The following LARGE1 variants were observed in gnomAD, a reference collection of about 807,000 sequenced individuals.
LARGE1 encodes LARGE xylosyl- and glucuronyltransferase 1.
Under a neutral mutation model 87.6 loss-of-function variants are expected in LARGE1, and 43 were observed. That is an observed-to-expected ratio of 0.49 (90% confidence interval 0.38 to 0.63). The LOEUF (loss-of-function observed/expected upper bound fraction) is 0.63. LARGE1 is among the 30% of genes least tolerant of loss of function. The pLI, the probability that LARGE1 is intolerant of heterozygous loss-of-function variation, is 0.00. For synonymous variants in LARGE1, 434 were observed against 394.6 expected (o/e 1.10, Z -1.18); for missense variants, 802 against 1,000.2 (o/e 0.80, Z 2.67).
intron 1 of LARGE1, among the ~76,000 whole-genome samples, chr22:33,852,566 G>C (rs902177417): frequency 1.3e-5 from 2 of 152,004 alleles, no homozygotes; most frequent in East Asian, 3.9e-4. Context: ...TACGATAAAG[G>C]CTGGGCACGG....
intron 11 of LARGE1, among the ~76,000 whole-genome samples, chr22:33,259,705 A>C (rs1927517337): frequency 6.6e-6 from 1 of 152,132 alleles, no homozygotes; most frequent in Non-Finnish European, 1.5e-5. Context: ...GGCTTCTCCA[A>C]ATGATGACAA....
intron 1 of LARGE1, among the ~76,000 whole-genome samples, chr22:33,827,608 C>T (rs952295931): frequency 1.1e-4 from 17 of 152,318 alleles, no homozygotes; most frequent in African/African-American, 3.4e-4. Flanking sequence ...TCTGTCCCAT[C>T]GTGGCCAATG....
intron 7 of LARGE1, among the ~76,000 whole-genome samples, chr22:33,393,568 C>T (rs9609778): frequency 0.33 from 50,471 of 152,144 alleles, 9,537 homozygotes; most frequent in African/African-American, 0.52. Context: ...CTTTGGAATG[C>T]GTGCCCCAAA....
chr22:33,398,902 C>T (rs916493360), intron 7 of LARGE1, among the ~76,000 whole-genome samples: 4 of 152,136 alleles, frequency 2.6e-5, no homozygotes, highest in Non-Finnish European at 4.4e-5. Flanking sequence ...CTAGAGGCTT[C>T]GGAAAGAGCG....
intron 1 of LARGE1, among the ~76,000 whole-genome samples, chr22:33,826,841 T>A (rs1005495504): frequency 2.6e-5 from 4 of 151,942 alleles, no homozygotes; most frequent in Non-Finnish European, 5.9e-5. Context: ...ACTCATTTTT[T>A]AAAAAAACAA....
chr22:33,510,197 G>C (rs2070988345), intron 6 of LARGE1, among the ~76,000 whole-genome samples: 1 of 152,214 alleles, frequency 6.6e-6, no homozygotes. Flanking sequence ...GCACGAAGCA[G>C]TCTAAACATG....
At chr22:33,150,040 T>C in the LARGE1 span, among the ~76,000 whole-genome samples, 1 of 152,306 alleles carries the variant, frequency 6.6e-6, no homozygotes, top group South Asian at 2.1e-4. Flanking sequence ...AAAATAAAAG[T>C]AGAAATGGAC....
intron 2 of LARGE1, among the ~76,000 whole-genome samples, chr22:33,738,552 T>C (rs1389483815): frequency 6.6e-6 from 1 of 152,138 alleles, no homozygotes; most frequent in African/African-American, 2.4e-5. Context: ...GCCTCCTGGT[T>C]GGGCAGTCGT....
At chr22:33,114,977 A>C in the LARGE1 span, among the ~76,000 whole-genome samples, 3 of 152,212 alleles carry the variant, frequency 2.0e-5, no homozygotes, top group Non-Finnish European at 4.4e-5. Context: ...AATTAAATTC[A>C]TATGCCTTAC....
intron 7 of LARGE1, among the ~76,000 whole-genome samples, chr22:33,418,290 C>G (rs1020266261): frequency 1.3e-5 from 2 of 152,104 alleles, no homozygotes; most frequent in African/African-American, 4.8e-5. Flanking sequence ...AGAATGGGCC[C>G]ACCAGATAAT....
At chr22:33,527,532 C>G (rs981950571) in intron 6 of LARGE1, among the ~76,000 whole-genome samples, 9 of 152,164 alleles carry the variant, frequency 5.9e-5, no homozygotes, top group Admixed American at 6.5e-5. Context: ...TTCAGAGGCT[C>G]TCTCAAAGAT....
chr22:33,323,289 C>T (rs1291112746), intron 10 of LARGE1, among the ~76,000 whole-genome samples: 1 of 152,248 alleles, frequency 6.6e-6, no homozygotes, highest in Non-Finnish European at 1.5e-5. Flanking sequence ...GTGCTTTGCA[C>T]CTTGATCCAC....
intron 5 of LARGE1, among the ~76,000 whole-genome samples, chr22:33,581,363 C>T (rs1236360337): frequency 6.6e-6 from 1 of 152,154 alleles, no homozygotes; most frequent in African/African-American, 2.4e-5. Context: ...ATTTTGATAC[C>T]TTTGTGCACC....
intron 9 of LARGE1, among the ~76,000 whole-genome samples, chr22:33,339,560 C>T (rs1158914710): frequency 6.6e-6 from 1 of 151,918 alleles, no homozygotes; most frequent in Non-Finnish European, 1.5e-5. Flanking sequence ...AGATGCAAAA[C>T]TAGAGCCTAG....
chr22:33,485,739 G>A (rs978213098), intron 6 of LARGE1, among the ~76,000 whole-genome samples: 1 of 151,840 alleles, frequency 6.6e-6, no homozygotes. Context: ...CACATTATCC[G>A]TGAGGCTACT....
intron 1 of LARGE1, among the ~76,000 whole-genome samples, chr22:33,896,527 G>A (rs1281529976): frequency 6.6e-6 from 1 of 152,192 alleles, no homozygotes; most frequent in African/African-American, 2.4e-5. Flanking sequence ...AGTGGCTTGG[G>A]AGCCTGTTAA....
intron 6 of LARGE1, among the ~76,000 whole-genome samples, chr22:33,441,479 G>A (rs906108809): frequency 6.6e-6 from 1 of 151,894 alleles, no homozygotes; most frequent in Non-Finnish European, 1.5e-5. Flanking sequence ...AAAGAGACAG[G>A]GTCTCACTAT....
At chr22:33,744,852 A>G (rs2084021322) in intron 2 of LARGE1, among the ~76,000 whole-genome samples, 1 of 152,198 alleles carries the variant, frequency 6.6e-6, no homozygotes, top group African/African-American at 2.4e-5. Flanking sequence ...GCTCCAGGCC[A>G]CACAAGTGGC....
At chr22:33,436,126 C>T (rs940012269) in intron 6 of LARGE1, among the ~76,000 whole-genome samples, 24 of 152,124 alleles carry the variant, frequency 1.6e-4, no homozygotes, top group African/African-American at 5.3e-4. Context: ...TGCCTGGTTC[C>T]GGTTCCTAGC....
Sources: allele counts gnomAD v4.1 joint callset (sites outside exome capture counted in the v4.1 genomes callset), GRCh38; gene constraint gnomAD v4.1.1; transcripts MANE v1.5; gene names NCBI Gene and HGNC (gene_info 2026-07-23, HGNC 2026-07-21).